GSG1L: variants seen among roughly 807,000 people sequenced by gnomAD.
GSG1L encodes germ cell-specific gene 1-like protein.
GSG1L carries 24 observed loss-of-function variants against 42.1 expected under a neutral mutation model. The ratio of observed to expected loss-of-function variants is 0.57; its 90% confidence interval spans 0.41 to 0.80. GSG1L has a LOEUF of 0.80. GSG1L is among the 30% of genes least tolerant of loss of function. The pLI, the probability that GSG1L is intolerant of heterozygous loss-of-function variation, is 0.00. For synonymous variants in GSG1L, 215 were observed against 203.5 expected, an observed-to-expected ratio of 1.06 and a Z score of -0.48; for missense variants, 445 against 472.2, an observed-to-expected ratio of 0.94 and a Z score of 0.53.
chr16:27,801,348 C>A (rs987877855), intron 6 of GSG1L, among the ~76,000 whole-genome samples: 2 of 152,194 alleles, frequency 1.3e-5, no homozygotes, highest in African/African-American at 2.4e-5. Flanking sequence ...AGAATCCCCG[C>A]TTCTCAGGGC....
intron 1 of GSG1L, among the ~76,000 whole-genome samples, chr16:27,983,304 C>T (rs529197173): frequency 2.4e-4 from 36 of 152,134 alleles, no homozygotes; most frequent in African/African-American, 8.2e-4. Context: ...CACTGCACTC[C>T]AGCCTGGGTG....
chr16:27,812,693 G>A (rs1371712490), intron 5 of GSG1L, among the ~76,000 whole-genome samples: 1 of 152,162 alleles, frequency 6.6e-6, no homozygotes, highest in Non-Finnish European at 1.5e-5. Flanking sequence ...AGGCTTCTCG[G>A]GGTGGTACCG....
chr16:28,027,086 C>T (rs1410352701), intron 1 of GSG1L, among the ~76,000 whole-genome samples: 6 of 152,186 alleles, frequency 3.9e-5, no homozygotes, highest in Admixed American at 3.3e-4. Context: ...CAGGGACACA[C>T]AGCAGTGGTG....
chr16:27,881,952 A>G (rs796820164), intron 3 of GSG1L, among the ~76,000 whole-genome samples: 9 of 151,444 alleles, frequency 5.9e-5, no homozygotes, highest in African/African-American at 1.9e-4. Context: ...TGGCCTCCCC[A>G]CCTCCATTCT....
chr16:27,892,530 G>A (rs181517309), intron 2 of GSG1L, among the ~76,000 whole-genome samples: 59 of 152,218 alleles, frequency 3.9e-4, no homozygotes, highest in African/African-American at 1.2e-3. Flanking sequence ...TTGGGAGGCC[G>A]AAGCAGGCAG....
intron 1 of GSG1L, among the ~76,000 whole-genome samples, chr16:28,041,100 C>T (rs561922739): frequency 7.2e-5 from 11 of 152,210 alleles, no homozygotes; most frequent in African/African-American, 2.4e-4. Context: ...AAGAATTCCT[C>T]GCAGGACAAA....
chr16:28,020,112 G>A (rs1246499012), intron 1 of GSG1L, among the ~76,000 whole-genome samples: 1 of 152,202 alleles, frequency 6.6e-6, no homozygotes, highest in African/African-American at 2.4e-5. Context: ...ACATTGATGT[G>A]GCGAGTGATT....
rs540892086 is a variant in GSG1L at position 27,938,947 on chromosome 16, G to C, written c.397+24209C>G. ...CAGCCTCCCAACATGAACAAACATG[G>C]ACTGTGGCATTGGGACCCTCCGTGA... is the stretch of plus-strand genomic sequence containing the variant. On this transcript the variant is annotated intron_variant, in intron 2 of 6. Transcript: ENST00000447459. 4.5e-4 allele frequency among the ~76,000 whole-genome samples: 68 copies of C among 152,236 alleles called. No individual in the cohort carries two copies. The South Asian group carries it at 0.013, about 30-fold the overall frequency.
At chr16:28,048,685 G>A (rs1453843440) in intron 1 of GSG1L, among the ~76,000 whole-genome samples, 1 of 152,206 alleles carries the variant, frequency 6.6e-6, no homozygotes, top group Non-Finnish European at 1.5e-5. Flanking sequence ...TCATCTGAAA[G>A]AAAGCACCAC....
At chr16:27,897,296 C>T (rs2084202875) in intron 2 of GSG1L, among the ~76,000 whole-genome samples, 1 of 151,654 alleles carries the variant, frequency 6.6e-6, no homozygotes, top group Non-Finnish European at 1.5e-5. Context: ...AATACACCTC[C>T]TTTTTTTCTT....
intron 2 of GSG1L, among the ~76,000 whole-genome samples, chr16:27,903,878 G>A (rs1277467802): frequency 1.3e-5 from 2 of 152,080 alleles, no homozygotes; most frequent in East Asian, 3.9e-4. Flanking sequence ...ACCTGTCAGA[G>A]CCAGCGGTCA....
intron 1 of GSG1L, among the ~76,000 whole-genome samples, chr16:27,990,808 C>G (rs2085447306): frequency 6.6e-6 from 1 of 152,116 alleles, no homozygotes. Flanking sequence ...GTCTTTATAG[C>G]AGCATGTTTT....
chr16:28,031,000 A>G (rs2085955592), intron 1 of GSG1L, among the ~76,000 whole-genome samples: 3 of 113,968 alleles, frequency 2.6e-5, no homozygotes, highest in African/African-American at 6.9e-5. Flanking sequence ...GAATGGGATA[A>G]GATGGGATGG....
At chr16:27,982,346 G>C (rs2085335065) in intron 1 of GSG1L, among the ~76,000 whole-genome samples, 1 of 152,198 alleles carries the variant, frequency 6.6e-6, no homozygotes, top group Non-Finnish European at 1.5e-5. Flanking sequence ...GCCCAGCCAG[G>C]TACAATATTT....
At chr16:28,047,937 G>A (rs796118846) in intron 1 of GSG1L, among the ~76,000 whole-genome samples, 1 of 152,188 alleles carries the variant, frequency 6.6e-6, no homozygotes, top group African/African-American at 2.4e-5. Context: ...ACAATTTAGA[G>A]GCTGGGTGCA....
intron 1 of GSG1L, among the ~76,000 whole-genome samples, chr16:28,009,943 G>C (rs1194832261): frequency 6.6e-6 from 1 of 152,204 alleles, no homozygotes; most frequent in Admixed American, 6.5e-5. Context: ...AAAATGTTTT[G>C]ACAAGAGCTT....
rs1034539012 is a variant in GSG1L at position 28,040,913 on chromosome 16, ATG to A, written c.349+22161_349+22162del. On this transcript the variant is annotated intron_variant, in intron 1 of 6. Transcript: ENST00000447459. The surrounding 1 kb of genome is among the most constrained non-coding windows in gnomAD (Gnocchi z 4.1). ...CCTTATTCAGACCCCACAGCAGCAA[ATG>A]TGTGCTGTGCACTGAGCCTGTGCCA... is the stretch of plus-strand genomic sequence containing the variant. Among the ~76,000 whole-genome samples, 1 of 152,166 alleles carries A rather than the reference ATG, an allele frequency of 6.6e-6. No individual in the cohort carries two copies. The highest frequency in any genetic ancestry group is 2.4e-5 in the African/African-American group (1 of 41,442).
At chr16:28,007,244 A>G (rs1364744774) in intron 1 of GSG1L, among the ~76,000 whole-genome samples, 1 of 152,206 alleles carries the variant, frequency 6.6e-6, no homozygotes, top group African/African-American at 2.4e-5. Context: ...GGTCCATATA[A>G]GAGAGAAGCC....
chr16:27,849,615 G>A (rs142873906), intron 3 of GSG1L, among the ~76,000 whole-genome samples: 3 of 152,300 alleles, frequency 2.0e-5, no homozygotes, highest in Admixed American at 1.3e-4. Context: ...ATAGCTCACT[G>A]TTAACCTCAA....
Sources: gnomAD v4.1 joint callset for allele counts (sites outside exome capture counted in the v4.1 genomes callset) on GRCh38, gnomAD v4.1.1 for gene constraint, Gnocchi (gnomAD v3.1) non-coding constraint, MANE v1.5 for transcripts, NCBI Gene and HGNC (gene_info 2026-07-23, HGNC 2026-07-21) for gene names.